The following MTUS2 variants were observed in gnomAD, a reference collection of about 807,000 sequenced individuals.
The protein encoded by MTUS2 is microtubule-associated tumor suppressor candidate 2.
MTUS2 carries 40 observed loss-of-function variants against 114.1 expected under a neutral mutation model. That is an observed-to-expected ratio of 0.35 (90% CI 0.27 to 0.46). MTUS2 has a LOEUF of 0.46. MTUS2 is among the 20% of genes least tolerant of loss of function. The pLI is 1.00. For synonymous variants in MTUS2, 688 were observed against 672.0 expected (o/e 1.02, Z -0.37); for missense variants, 1,679 against 1,705.4 (o/e 0.98, Z 0.27).
At chr13:29,193,126 A>G (rs1046680951) in intron 5 of MTUS2, among the ~76,000 whole-genome samples, 2 of 152,162 alleles carry the variant, frequency 1.3e-5, no homozygotes, top group African/African-American at 4.8e-5. Flanking sequence ...AATGCTGTTA[A>G]TATATACCTT....
chr13:29,345,813 G>T (rs951463075), intron 7 of MTUS2, among the ~76,000 whole-genome samples: 3 of 152,126 alleles, frequency 2.0e-5, no homozygotes, highest in African/African-American at 7.2e-5. Context: ...GGGCTGAAGG[G>T]CTATTGTTCA....
chr13:29,472,353 G>A (rs538708367), intron 9 of MTUS2, among the ~76,000 whole-genome samples: 1 of 152,218 alleles, frequency 6.6e-6, no homozygotes, highest in African/African-American at 2.4e-5. Flanking sequence ...TTCATTTTCA[G>A]CCGTTCCTTT....
chr13:29,007,342 A>T (rs1026155428), intron 2 of MTUS2, among the ~76,000 whole-genome samples: 2 of 152,152 alleles, frequency 1.3e-5, no homozygotes, highest in Non-Finnish European at 2.9e-5. Context: ...GAGGCAACAG[A>T]TATCAAATAA....
chr13:28,834,882 T>A (rs1003754044), intron 1 of MTUS2, among the ~76,000 whole-genome samples: 1 of 152,186 alleles, frequency 6.6e-6, no homozygotes, highest in African/African-American at 2.4e-5. Context: ...AGGATTTGAA[T>A]TGACATTTTT....
intron 7 of MTUS2, among the ~76,000 whole-genome samples, chr13:29,350,617 A>G (rs1370855302): frequency 1.3e-5 from 2 of 151,954 alleles, no homozygotes; most frequent in African/African-American, 2.4e-5. Context: ...CATGATGTTC[A>G]TGGTTGTTAT....
chr13:29,418,640 C>T lies in MTUS2; in HGVS notation c.3118-21343C>T, dbSNP rs139187126. On this transcript the variant is annotated intron_variant, in intron 8 of 15. Transcript: ENST00000612955. Reference sequence around the variant, plus strand: ...GCAGTTGAGTGCCTCCACCTGGCCCCGCTTCCCTAGGGTTCAGATACCCCC... The same window carrying T: ...GCAGTTGAGTGCCTCCACCTGGCCCTGCTTCCCTAGGGTTCAGATACCCCC... Among the ~76,000 whole-genome samples, 907 of 152,270 alleles carry T rather than the reference C, an allele frequency of 6.0e-3. 8 individuals are homozygous for T. Among genetic ancestry groups the T allele is most frequent in the African/African-American group, 0.018 (733 of 41,546 alleles).
chr13:28,884,691 T>A (rs1003663623), intron 2 of MTUS2, among the ~76,000 whole-genome samples: 1 of 152,140 alleles, frequency 6.6e-6, no homozygotes, highest in Non-Finnish European at 1.5e-5. Flanking sequence ...CAATGCAGTT[T>A]TCTGGTTTGA....
chr13:29,407,927 C>T (rs1411019630), intron 8 of MTUS2, among the ~76,000 whole-genome samples: 1 of 152,166 alleles, frequency 6.6e-6, no homozygotes, highest in Non-Finnish European at 1.5e-5. Flanking sequence ...TTGCATTTCA[C>T]TAATTATTAT....
At chr13:28,996,772 A>G (rs999724005) in intron 2 of MTUS2, among the ~76,000 whole-genome samples, 34 of 152,028 alleles carry the variant, frequency 2.2e-4, no homozygotes, top group Non-Finnish European at 4.7e-4. Context: ...TATTGCGTCT[A>G]TTTGATTCTT....
chr13:29,012,267 C>A (rs146545355), intron 2 of MTUS2, among the ~76,000 whole-genome samples: 1 of 152,072 alleles, frequency 6.6e-6, no homozygotes, highest in Non-Finnish European at 1.5e-5. Flanking sequence ...AGTAACTGTC[C>A]GTGCTGCCCT....
intron 8 of MTUS2, chr13:29,428,990 C>T (rs1876792815): frequency 1.6e-6 from 2 of 1,235,504 alleles, no homozygotes; most frequent in African/African-American, 1.5e-5. Flanking sequence ...GTCCCCCTAG[C>T]ATGCGTGTGC....
chr13:29,246,423 T>G (rs1436400491), intron 5 of MTUS2, among the ~76,000 whole-genome samples: 2 of 152,204 alleles, frequency 1.3e-5, no homozygotes, highest in Non-Finnish European at 2.9e-5. Context: ...CTGTTGCTGC[T>G]CAACACAGAA....
intron 2 of MTUS2, among the ~76,000 whole-genome samples, chr13:28,926,068 C>T (rs1881311996): frequency 6.6e-6 from 1 of 152,170 alleles, no homozygotes; most frequent in South Asian, 2.1e-4. Context: ...CTGATCACCC[C>T]CTCTTCCTTA....
chr13:29,168,819 C>T (rs2139109207), intron 5 of MTUS2, among the ~76,000 whole-genome samples: 1 of 151,704 alleles, frequency 6.6e-6, no homozygotes, highest in East Asian at 1.9e-4. Flanking sequence ...TTAAGCCTGG[C>T]CCCAGGGGGA....
chr13:29,015,195 C>T (rs879835498), intron 2 of MTUS2, among the ~76,000 whole-genome samples: 4 of 152,144 alleles, frequency 2.6e-5, no homozygotes, highest in Admixed American at 6.5e-5. Flanking sequence ...TGCCAAAACT[C>T]GCAAAACTGT....
At chr13:28,868,810 T>C (rs953237167) in intron 2 of MTUS2, among the ~76,000 whole-genome samples, 6 of 152,172 alleles carry the variant, frequency 3.9e-5, no homozygotes, top group Non-Finnish European at 5.9e-5. Flanking sequence ...TTATATAAGG[T>C]CCCTATCTGC....
intron 2 of MTUS2, among the ~76,000 whole-genome samples, chr13:28,913,634 T>C (rs1239573748): frequency 6.6e-6 from 1 of 152,172 alleles, no homozygotes; most frequent in Non-Finnish European, 1.5e-5. Context: ...CCTCATAGAA[T>C]GAGTTAAGGA....
chr13:28,893,902 C>T (rs572961293), intron 2 of MTUS2, among the ~76,000 whole-genome samples: 1 of 152,046 alleles, frequency 6.6e-6, no homozygotes, highest in Non-Finnish European at 1.5e-5. Flanking sequence ...GGCACCAGAT[C>T]GACATTGTTT....
intron 2 of MTUS2, among the ~76,000 whole-genome samples, chr13:29,018,123 G>A (rs781395897): frequency 4.6e-5 from 7 of 152,174 alleles, no homozygotes; most frequent in Non-Finnish European, 1.0e-4. Flanking sequence ...GCTTTGAGCT[G>A]GACTTTGATG....
Sources: allele counts gnomAD v4.1 joint callset (sites outside exome capture counted in the v4.1 genomes callset), GRCh38; gene constraint gnomAD v4.1.1; transcripts MANE v1.5; gene names NCBI Gene and HGNC (gene_info 2026-07-23, HGNC 2026-07-21).